Variants in SLC9A9 observed in about 807,000 individuals in gnomAD.
SLC9A9 encodes sodium/hydrogen exchanger 9.
Under a neutral mutation model 77.8 loss-of-function variants are expected in SLC9A9, and 62 were observed. The ratio of observed to expected loss-of-function variants is 0.80; its 90% CI spans 0.65 to 0.98. The LOEUF is 0.98. Among genes scored for constraint, SLC9A9 ranks in the 50% least tolerant of loss-of-function variants. The probability of loss-of-function intolerance (pLI) is 0.00; values close to 1 mark genes in which losing one functional copy is unlikely to be tolerated. For missense variants in SLC9A9, 775 were observed against 774.9 expected (o/e 1.00, Z 0.00); for synonymous variants, 320 against 283.5 (o/e 1.13, Z -1.29).
intron 4 of SLC9A9, among the ~76,000 whole-genome samples, chr3:143,712,813 CAT>C (rs1934233429): frequency 6.6e-6 from 1 of 152,170 alleles, no homozygotes; most frequent in African/African-American, 2.4e-5. Context: ...AACAAAGAAA[CAT>C]ATGTGTGTTT....
chr3:143,361,323 C>T (rs1201073603), intron 14 of SLC9A9, among the ~76,000 whole-genome samples: 1 of 152,188 alleles, frequency 6.6e-6, no homozygotes, highest in Non-Finnish European at 1.5e-5. Context: ...TTTCTTTCAG[C>T]CTTGTGACAA....
intron 4 of SLC9A9, among the ~76,000 whole-genome samples, chr3:143,775,291 A>G (rs183319878): frequency 6.6e-6 from 1 of 152,344 alleles, no homozygotes; most frequent in Non-Finnish European, 1.5e-5. Context: ...GTAGGTATTC[A>G]GTAATTAATA....
At chr3:143,744,951 G>A (rs1322473744) in intron 4 of SLC9A9, among the ~76,000 whole-genome samples, 1 of 152,176 alleles carries the variant, frequency 6.6e-6, no homozygotes, top group African/African-American at 2.4e-5. Flanking sequence ...TGCAGAGGTA[G>A]GCATTCATTT....
At chr3:143,781,733 A>T (rs948028156) in intron 4 of SLC9A9, among the ~76,000 whole-genome samples, 1 of 152,236 alleles carries the variant, frequency 6.6e-6, no homozygotes, top group African/African-American at 2.4e-5. Context: ...ATGGCCTTCA[A>T]GATTACAATT....
intron 2 of SLC9A9, among the ~76,000 whole-genome samples, chr3:143,817,181 G>A (rs4839664): frequency 0.54 from 76,512 of 141,434 alleles, 23,326 homozygotes; most frequent in Non-Finnish European, 0.68. Context: ...TCGCTCTGTC[G>A]CCCAGGCCGG....
intron 5 of SLC9A9, among the ~76,000 whole-genome samples, chr3:143,689,639 G>A (rs1933392185): frequency 1.3e-5 from 2 of 151,520 alleles, no homozygotes; most frequent in African/African-American, 4.9e-5. Context: ...TGAACTTCTG[G>A]GCTCAAGTGA....
chr3:143,676,054 A>C (rs898082547), intron 5 of SLC9A9, among the ~76,000 whole-genome samples: 1 of 152,152 alleles, frequency 6.6e-6, no homozygotes, highest in Non-Finnish European at 1.5e-5. Context: ...TCAGCTCATC[A>C]GGCATTAGAT....
intron 13 of SLC9A9, among the ~76,000 whole-genome samples, chr3:143,374,151 T>C (rs986464825): frequency 5.3e-5 from 8 of 150,990 alleles, no homozygotes; most frequent in Non-Finnish European, 1.0e-4. Flanking sequence ...AGAGGCCGGG[T>C]GTGGTGGCTC....
At chr3:143,523,843 A>G (rs1011956871) in intron 9 of SLC9A9, among the ~76,000 whole-genome samples, 3 of 152,196 alleles carry the variant, frequency 2.0e-5, no homozygotes, top group African/African-American at 7.2e-5. Flanking sequence ...TAAAAATGTA[A>G]TAAAATACTG....
At chr3:143,662,915 T>A (rs1425986789) in intron 5 of SLC9A9, among the ~76,000 whole-genome samples, 2 of 152,124 alleles carry the variant, frequency 1.3e-5, no homozygotes, top group East Asian at 3.9e-4. Flanking sequence ...TTCTGCAGAC[T>A]TAAACGTCCC....
chr3:143,646,726 A>G (rs958318668), intron 6 of SLC9A9, among the ~76,000 whole-genome samples: 1 of 152,192 alleles, frequency 6.6e-6, no homozygotes, highest in African/African-American at 2.4e-5. Flanking sequence ...TTGCTGGATC[A>G]AATGATTCAC....
At chr3:143,781,497 G>A (rs2007882032) in intron 4 of SLC9A9, among the ~76,000 whole-genome samples, 1 of 152,140 alleles carries the variant, frequency 6.6e-6, no homozygotes, top group Non-Finnish European at 1.5e-5. Context: ...GAACTTATTT[G>A]AGGAGGTAAT....
At chr3:143,362,887 A>G (rs191075204) in intron 14 of SLC9A9, among the ~76,000 whole-genome samples, 6 of 152,348 alleles carry the variant, frequency 3.9e-5, no homozygotes, top group Non-Finnish European at 7.3e-5. Flanking sequence ...AGTGATTGCT[A>G]GATTTTTAAA....
intron 12 of SLC9A9, among the ~76,000 whole-genome samples, chr3:143,409,529 T>G (rs2034052126): frequency 6.6e-6 from 1 of 152,252 alleles, no homozygotes; most frequent in Non-Finnish European, 1.5e-5. Context: ...TACCAAGGGC[T>G]AAGTTAACAA....
chr3:143,465,585 AG>A (rs767123598), intron 12 of SLC9A9, among the ~76,000 whole-genome samples: 2 of 152,230 alleles, frequency 1.3e-5, no homozygotes, highest in Non-Finnish European at 2.9e-5. Context: ...TAGTGTATTC[AG>A]TACTTGCATT....
intron 1 of SLC9A9, among the ~76,000 whole-genome samples, chr3:143,833,102 T>C (rs1192253664): frequency 6.6e-6 from 1 of 152,182 alleles, no homozygotes; most frequent in African/African-American, 2.4e-5. Context: ...TGTAGATTTA[T>C]TAACAAGCAA....
chr3:143,337,625 G>A (rs7632299), intron 14 of SLC9A9, among the ~76,000 whole-genome samples: 39,558 of 151,996 alleles, frequency 0.26, 5,412 homozygotes, highest in Admixed American at 0.33. Flanking sequence ...GGCCTTAACC[G>A]CAGGCTGCTG....
rs746005830 is a variant in SLC9A9 at position 143,515,047 on chromosome 3, C to T, written c.1090-19599G>A. Among the ~76,000 whole-genome samples the T allele has an allele frequency of 4.8e-4, 73 of 152,268 alleles. 1 individual carries two copies. The highest frequency in any genetic ancestry group is 7.6e-4 in the Non-Finnish European group (52 of 68,024). ...TTCAACCCAGACATGTGCAACTCTT[C>T]CTTTCACTTAAACACTCAGAGGCTA... On this transcript the variant is annotated intron_variant, in intron 9 of 15. Transcript: ENST00000316549.
rs1407422366 is a variant in SLC9A9, at chr3:143,527,141, C to T, written c.1089+25221G>A. 3.9e-5 allele frequency among the ~76,000 whole-genome samples: 6 copies of T among 152,202 alleles called. No homozygotes were observed. The South Asian group carries it at 8.3e-4, about 21-fold the overall frequency. On this transcript the variant is annotated intron_variant, in intron 9 of 15. Coordinates refer to ENST00000316549, the MANE Select transcript of SLC9A9 (RefSeq NM_173653.4). ...ATAGTGATGAGATGATAGCACATTT[C>T]GGTGCCTGCATTTCTCTCTCAAAGA...
Sources: gnomAD v4.1 joint callset for allele counts (sites outside exome capture counted in the v4.1 genomes callset) on GRCh38, gnomAD v4.1.1 for gene constraint, MANE v1.5 for transcripts, NCBI Gene and HGNC (gene_info 2026-07-23, HGNC 2026-07-21) for gene names.